REC114: variants seen among roughly 807,000 people sequenced by gnomAD.
REC114 encodes meiotic recombination protein REC114.
REC114 carries 27 observed loss-of-function variants against 31.3 expected under a neutral mutation model. That is an observed-to-expected ratio of 0.86 (90% CI 0.64 to 1.19). The LOEUF is 1.19. Among genes scored for constraint, REC114 ranks in the 50% most tolerant of loss-of-function variants. REC114 has a pLI of 0.00. For missense variants in REC114, 344 were observed against 326.9 expected (o/e 1.05, Z -0.40); for synonymous variants, 134 against 127.7 (o/e 1.05, Z -0.33).
intron 2 of REC114, among the ~76,000 whole-genome samples, chr15:73,533,595 T>A (rs996446667): frequency 6.6e-6 from 1 of 151,336 alleles, no homozygotes; most frequent in African/African-American, 2.4e-5. Flanking sequence ...ATGGGAGACT[T>A]TAACACCCCA....
intron 1 of REC114, among the ~76,000 whole-genome samples, chr15:73,472,944 G>T: frequency 6.6e-6 from 1 of 152,078 alleles, no homozygotes; most frequent in East Asian, 1.9e-4. Flanking sequence ...CTCTCAAAAA[G>T]TTAATGTGAT....
chr15:73,514,784 ATAAAGAAAGAC>A (rs1475963109), intron 2 of REC114, among the ~76,000 whole-genome samples: 1 of 152,240 alleles, frequency 6.6e-6, no homozygotes, highest in East Asian at 1.9e-4. Context: ...ATGATAAAAT[ATAAAGAAAGAC>A]TAGAAGAAAA....
At chr15:73,532,337 G>A (rs1380039072) in intron 2 of REC114, among the ~76,000 whole-genome samples, 1 of 146,986 alleles carries the variant, frequency 6.8e-6, no homozygotes. Context: ...TGGCTGCATA[G>A]TATTCCATGG....
At chr15:73,546,577 T>C (rs1230713874) in intron 3 of REC114, among the ~76,000 whole-genome samples, 1 of 152,292 alleles carries the variant, frequency 6.6e-6, no homozygotes, top group African/African-American at 2.4e-5. Context: ...AGAACAGCAA[T>C]GTATTTTACA....
At chr15:73,533,662 G>T (rs62015531) in intron 2 of REC114, among the ~76,000 whole-genome samples, 2 of 113,584 alleles carry the variant, frequency 1.8e-5, no homozygotes, top group South Asian at 6.2e-4. Context: ...CCCAGGAATT[G>T]AACTCAGCTC....
chr15:73,481,812 C>G (rs1893298591), intron 2 of REC114, among the ~76,000 whole-genome samples: 1 of 151,906 alleles, frequency 6.6e-6, no homozygotes, highest in Non-Finnish European at 1.5e-5. Context: ...CTGCACACCA[C>G]CACGCCAGGG....
At chr15:73,517,686 T>C (rs1893879069) in intron 2 of REC114, among the ~76,000 whole-genome samples, 1 of 152,130 alleles carries the variant, frequency 6.6e-6, no homozygotes, top group South Asian at 2.1e-4. Context: ...ATTGGAGGTG[T>C]TTTTGAGACA....
chr15:73,543,401 C>T (rs1894266274), intron 3 of REC114, among the ~76,000 whole-genome samples: 1 of 152,106 alleles, frequency 6.6e-6, no homozygotes, highest in Admixed American at 6.5e-5. Flanking sequence ...GGCGTGATCT[C>T]AGCTCACTGC....
In REC114 at chr15:73,559,979, TAAAG is replaced by T; in HGVS notation, c.*66_*69del. 5 of 1,403,436 alleles carry T rather than the reference TAAAG, an allele frequency of 3.6e-6. No individual in the cohort carries two copies. In the South Asian group the frequency reaches 4.2e-5, roughly 12 times the overall value. The allele number at this position is 1,403,436 out of a possible 1,614,324, so 86.9% of individuals were successfully genotyped here. On this transcript the variant is annotated 3_prime_UTR_variant, in exon 6 of 6. Transcript: ENST00000331090. Reference sequence around the variant, plus strand: ...ATTGAAAAATGCTTCCTCCTAAAATTAAAGAAGATATTAGAATAAAGAGTATTAT... The same window carrying T: ...ATTGAAAAATGCTTCCTCCTAAAATTAAGATATTAGAATAAAGAGTATTAT...
At position 73,548,112 on chromosome 15, in the gene REC114, ACTTTTTTTTT is replaced by A. The variant is rs1894335835; in HGVS notation, c.334-2818_334-2809del. Among the ~76,000 whole-genome samples the A allele has an allele frequency of 2.0e-5, 3 of 152,094 alleles. No homozygotes were observed. In the South Asian group the frequency reaches 6.2e-4, roughly 31 times the overall value. On this transcript the variant is annotated intron_variant, in intron 3 of 5. Coordinates refer to ENST00000331090, the MANE Select transcript of REC114 (RefSeq NM_001042367.2). The stretch of plus-strand genomic sequence containing the variant: ...AAGTGGGAAAAGGACATGAATAGAC[ACTTTTTTTTT>A]CTTTTTTGAGATGGAGTCTTGCTGT...
intron 2 of REC114, among the ~76,000 whole-genome samples, chr15:73,526,974 T>A (rs1313017137): frequency 6.6e-6 from 1 of 152,142 alleles, no homozygotes; most frequent in Non-Finnish European, 1.5e-5. Flanking sequence ...GCAATACTCC[T>A]GATGTATTTT....
intron 2 of REC114, among the ~76,000 whole-genome samples, chr15:73,488,370 C>T (rs909996382): frequency 3.9e-5 from 6 of 152,168 alleles, no homozygotes; most frequent in African/African-American, 1.4e-4. Flanking sequence ...ATATTCTTTA[C>T]ATGGCCAGGC....
chr15:73,508,768 G>A (rs376612537), intron 2 of REC114, among the ~76,000 whole-genome samples: 6,356 of 149,448 alleles, frequency 0.043, 147 homozygotes, highest in South Asian at 0.076. Context: ...TACAAAGGAC[G>A]TGAACTCATC....
Position 73,540,236 on chromosome 15 carries a change from G to A in REC114, c.250-249G>A, listed in dbSNP as rs935311539. Among the ~76,000 whole-genome samples, 4 of 152,074 alleles carry A rather than the reference G, an allele frequency of 2.6e-5. No individual in the cohort carries two copies. In the South Asian group the frequency reaches 8.3e-4, roughly 32 times the overall value. ...TGGACACTTAACTATCTTTAGTATT[G>A]TATTGATTTTCAACATAAAAAGATT... On this transcript the variant is annotated intron_variant, in intron 2 of 5. Transcript: ENST00000331090.
At chr15:73,493,056 A>T (rs1206850627) in intron 2 of REC114, among the ~76,000 whole-genome samples, 1 of 151,346 alleles carries the variant, frequency 6.6e-6, no homozygotes, top group Non-Finnish European at 1.5e-5. Flanking sequence ...TCACTCTGAC[A>T]CTCTGGCTGG....
rs1288462565 is a variant in REC114, at chr15:73,451,256, G to T, written c.159+7912G>T. On this transcript the variant is annotated intron_variant, in intron 1 of 5. Coordinates refer to ENST00000331090, the MANE Select transcript of REC114 (RefSeq NM_001042367.2). ...TAGCCAGACTAATAAAAAAGCAAAA[G>T]GAGTAGAATTAAATAGATGCAATAA... Among the ~76,000 whole-genome samples, 11 of 152,154 alleles carry T rather than the reference G, an allele frequency of 7.2e-5. No homozygotes were observed. The East Asian group carries it at 1.9e-3, about 27-fold the overall frequency.
chr15:73,549,161 G>C (rs1894354387), intron 3 of REC114, among the ~76,000 whole-genome samples: 1 of 151,914 alleles, frequency 6.6e-6, no homozygotes, highest in Admixed American at 6.6e-5. Context: ...TTGGACCCTT[G>C]AACTTAGAAT....
At chr15:73,449,222 C>T (rs939018668) in intron 1 of REC114, among the ~76,000 whole-genome samples, 1 of 152,026 alleles carries the variant, frequency 6.6e-6, no homozygotes, top group East Asian at 1.9e-4. Flanking sequence ...CATGTTCTAA[C>T]CCAATGCAAG....
chr15:73,471,870 C>T (rs562495844), intron 1 of REC114, among the ~76,000 whole-genome samples: 1 of 152,038 alleles, frequency 6.6e-6, no homozygotes, highest in Non-Finnish European at 1.5e-5. Context: ...ATTGATGGAG[C>T]CAAATGTCAA....
Sources: allele counts gnomAD v4.1 joint callset (sites outside exome capture counted in the v4.1 genomes callset), GRCh38; gene constraint gnomAD v4.1.1; transcripts MANE v1.5; gene names NCBI Gene and HGNC (gene_info 2026-07-23, HGNC 2026-07-21).